The following FAM83F variants were observed in gnomAD, a reference collection of about 807,000 sequenced individuals.
FAM83F encodes scaffolding CK1 anchoring protein F, also known as protein FAM83F.
Under a neutral mutation model 42.9 loss-of-function variants are expected in FAM83F, and 45 were observed. The observed-to-expected ratio is 1.05, with a 90% CI of 0.83 to 1.35. The LOEUF is 1.35. FAM83F is among the 40% of genes most tolerant of loss of function. The probability of loss-of-function intolerance (pLI) is 0.00; values close to 1 mark genes in which losing one functional copy is unlikely to be tolerated. For synonymous variants in FAM83F, 306 were observed against 298.3 expected (o/e 1.03, Z -0.27); for missense variants, 617 against 695.9 (o/e 0.89, Z 1.28).
intron 1 of FAM83F, among the ~76,000 whole-genome samples, chr22:40,000,718 C>T (rs1029636377): frequency 1.2e-4 from 18 of 152,338 alleles, no homozygotes; most frequent in African/African-American, 4.3e-4. Flanking sequence ...TGTTTGAGAG[C>T]TGGTCCCAAT....
chr22:39,996,642 G>A (rs774188818), intron 1 of FAM83F, among the ~76,000 whole-genome samples: 19 of 152,126 alleles, frequency 1.2e-4, no homozygotes, highest in Non-Finnish European at 2.4e-4. Context: ...GGTTCCCCTC[G>A]AGGCTGAAGA....
In FAM83F at chr22:40,031,183, G is replaced by A. The variant is rs2146247758; in HGVS notation, c.*1618G>A. 6.6e-6 allele frequency: 1 copy of A among 151,842 alleles called. No individual in the cohort carries two copies. Among genetic ancestry groups the A allele is most frequent in the South Asian group, 2.1e-4 (1 of 4,790 alleles). 9.4% of individuals were successfully genotyped at this position (151,842 alleles called of 1,614,324 possible). A position where few individuals can be genotyped will look rare whatever the true frequency, so the allele number is the denominator to read the frequency against. ...TATGAAGGTGAAATGCTTCTGGGAAGTGTTTCCTTAGGCACCAAGACCAGG... is the reference window on the plus strand; with the variant it reads ...TATGAAGGTGAAATGCTTCTGGGAAATGTTTCCTTAGGCACCAAGACCAGG... On this transcript the variant is annotated 3_prime_UTR_variant, in exon 5 of 5. Transcript: ENST00000333407.
rs1467704107 is a variant in FAM83F, at chr22:39,995,917, G to T, written c.489+386G>T. Among the ~76,000 whole-genome samples the T allele has an allele frequency of 6.6e-6, 1 of 152,160 alleles. No individual in the cohort carries two copies. The highest frequency in any genetic ancestry group is 1.5e-5 in the Non-Finnish European group (1 of 68,010). ...TGCTGCCCAGAACATATCCCGAGCC[G>T]CTTTCTCATGTGATCGTCAAAACAA... On this transcript the variant is annotated intron_variant, in intron 1 of 4. Transcript: ENST00000333407. This position sits in a 1 kb window ranked among gnomAD's most constrained non-coding sequence, Gnocchi z 4.6.
chr22:40,018,495 A>G (rs1463954882), intron 1 of FAM83F, among the ~76,000 whole-genome samples: 5 of 151,994 alleles, frequency 3.3e-5, no homozygotes, highest in Admixed American at 2.0e-4. Context: ...CTGGAGTGCA[A>G]TGGCACGATC....
At chr22:40,022,135 C>T (rs115458321) in intron 4 of FAM83F, among the ~76,000 whole-genome samples, 172 bp downstream of exon 4, 1,717 of 152,282 alleles carry the variant, frequency 0.011, 27 homozygotes, top group African/African-American at 0.039. Flanking sequence ...ATTCTGGCCC[C>T]GGCCATTAGC....
At chr22:40,027,616 C>T (rs1301032665) in intron 4 of FAM83F, among the ~76,000 whole-genome samples, 2 of 152,254 alleles carry the variant, frequency 1.3e-5, no homozygotes, top group African/African-American at 2.4e-5. Flanking sequence ...AATATGTGAG[C>T]ACTCAGGGAA....
chr22:40,022,416 C>A (rs374190840), intron 4 of FAM83F, among the ~76,000 whole-genome samples: 1 of 152,294 alleles, frequency 6.6e-6, no homozygotes, highest in Admixed American at 6.5e-5. Flanking sequence ...TTCTAGCAAA[C>A]CTTTTCCCTT....
At chr22:40,020,448 T>C (rs1465449695) in intron 3 of FAM83F, among the ~76,000 whole-genome samples, 1 of 149,262 alleles carries the variant, frequency 6.7e-6, no homozygotes, top group African/African-American at 2.5e-5. Flanking sequence ...CTGCAACCTC[T>C]GCCTCCCGGA....
rs997095832 is a variant in FAM83F at position 40,021,199 on chromosome 22, T to C, written c.780-91T>C. ...GAGCCGTACACCTGCAGCAAGGGTC[T>C]GGCCACAGCGGAGGGGCAGGTGGGG... On this transcript the variant is annotated intron_variant, in intron 3 of 4. Transcript: ENST00000333407. The surrounding 1 kb of genome is among the most constrained non-coding windows in gnomAD (Gnocchi z 8.7). 7.1e-7 allele frequency: 1 copy of C among 1,408,598 alleles called. No individual in the cohort carries two copies. The highest frequency in any genetic ancestry group is 1.4e-5 in the African/African-American group (1 of 70,070). 87.3% of individuals were successfully genotyped at this position (1,408,598 alleles called of 1,614,324 possible). A position where few individuals can be genotyped will look rare whatever the true frequency, so the allele number is the denominator to read the frequency against.
rs755832969 is a variant in FAM83F, at chr22:40,021,807, G to A, written c.1297G>A (p.Ala433Thr). The A allele has an allele frequency of 1.3e-5, 21 of 1,612,294 alleles. 1 individual carries two copies. The Admixed American group carries it at 1.3e-4, about 10-fold the overall frequency. ...GGGAGAAGCGGCCCGGGGGGAGGCC[G>A]CCCCCGCCAGGCGCTTCAGCAGCAG... is the stretch of plus-strand genomic sequence containing the variant. ...GMGEAARGEA[A>T]PARRFSSRLF... Residue 433 changes from alanine to threonine, a missense_variant, in exon 4 of 5, where the codon GCC becomes ACC. Coordinates refer to ENST00000333407, the MANE Select transcript of FAM83F (RefSeq NM_138435.4). This position sits in a 1 kb window ranked among gnomAD's most constrained non-coding sequence, Gnocchi z 8.7.
rs1427967441 is a variant in FAM83F, at chr22:39,995,321, C to T, written c.279C>T (p.Ala93=). ...GCAAGAGCAAGGCCAAGGCCAAGGCCCCCGCGCCGGCGCCGGCTGAGTCCG... is the reference window on the plus strand; with the variant it reads ...GCAAGAGCAAGGCCAAGGCCAAGGCTCCCGCGCCGGCGCCGGCTGAGTCCG... ...ARGKSKAKAK[A]PAPAPAESGE... The change falls in exon 1 of 5, where the codon GCC becomes GCT. Residue 93 remains alanine, a synonymous_variant. Coordinates refer to ENST00000333407, the MANE Select transcript of FAM83F (RefSeq NM_138435.4). This position sits in a 1 kb window ranked among gnomAD's most constrained non-coding sequence, Gnocchi z 4.6. 1 of 1,538,822 alleles carries T rather than the reference C, an allele frequency of 6.5e-7. No homozygotes were observed. Among genetic ancestry groups the T allele is most frequent in the Admixed American group, 2.0e-5 (1 of 50,932 alleles).
Position 39,995,532 on chromosome 22 carries a change from G to A in FAM83F, c.489+1G>A. The A allele has an allele frequency of 1.9e-6, 3 of 1,554,884 alleles. No individual in the cohort carries two copies. The South Asian group carries it at 3.5e-5, about 18-fold the overall frequency. On this transcript the variant is annotated splice_donor_variant, in intron 1 of 4. Coordinates refer to ENST00000333407, the MANE Select transcript of FAM83F (RefSeq NM_138435.4). LOFTEE classifies it high-confidence loss of function. This position sits in a 1 kb window ranked among gnomAD's most constrained non-coding sequence, Gnocchi z 4.6. ...GCAGATGATCCAACAGGCCCAGAAGGTAGGCCCCCGCCTTCGCCCCCACAC... is the reference window on the plus strand; with the variant it reads ...GCAGATGATCCAACAGGCCCAGAAGATAGGCCCCCGCCTTCGCCCCCACAC...
chr22:40,016,836 G>A (rs1208057479), intron 1 of FAM83F, among the ~76,000 whole-genome samples: 2 of 151,600 alleles, frequency 1.3e-5, no homozygotes, highest in Non-Finnish European at 2.9e-5. Flanking sequence ...GCTAATTTTT[G>A]TATTTTTAGT....
chr22:40,002,794 C>T (rs1174036050), intron 1 of FAM83F, among the ~76,000 whole-genome samples: 3 of 152,172 alleles, frequency 2.0e-5, no homozygotes, highest in Non-Finnish European at 1.5e-5. Flanking sequence ...GTGAGTGATG[C>T]GTGCAGTAAA....
At position 40,036,005 on chromosome 22, in the gene FAM83F, T is replaced by G. The variant is rs1032089601; in HGVS notation, c.*6440T>G. ...AAGCTACAGAGTTCAGGTTTCTTTT[T>G]TCTTTCTTTCTTTCTTTTTTGCTTT... On this transcript the variant is annotated 3_prime_UTR_variant, in exon 5 of 5. Transcript: ENST00000333407. The G allele has an allele frequency of 1.3e-5, 2 of 152,154 alleles. No individual in the cohort carries two copies. Among genetic ancestry groups the G allele is most frequent in the African/African-American group, 4.8e-5 (2 of 41,452 alleles). The allele number at this position is 152,154 out of a possible 1,614,324, so 9.4% of individuals were successfully genotyped here.
At chr22:40,019,097 C>A in intron 1 of FAM83F, 71 bp from the exon 2 acceptor site, 1 of 1,562,764 alleles carries the variant, frequency 6.4e-7, no homozygotes, top group South Asian at 1.2e-5. Flanking sequence ...CGAGGTGGTA[C>A]CATCTGAGCA....
At chr22:40,013,658 A>G (rs969491820) in intron 1 of FAM83F, among the ~76,000 whole-genome samples, 3 of 152,210 alleles carry the variant, frequency 2.0e-5, no homozygotes, top group Non-Finnish European at 4.4e-5. Flanking sequence ...ATATCTTACA[A>G]GTATTTGAGT....
chr22:40,003,615 A>G (rs1361697631), intron 1 of FAM83F, among the ~76,000 whole-genome samples: 1 of 151,862 alleles, frequency 6.6e-6, no homozygotes, highest in Non-Finnish European at 1.5e-5. Flanking sequence ...CCACCCCCAC[A>G]CACCATGCCA....
At chr22:40,010,799 G>A (rs2067458922) in intron 1 of FAM83F, among the ~76,000 whole-genome samples, 1 of 152,238 alleles carries the variant, frequency 6.6e-6, no homozygotes, top group African/African-American at 2.4e-5. Context: ...TGGCGATCAA[G>A]TATCAGAGCC....
Sources: allele counts gnomAD v4.1 joint callset (sites outside exome capture counted in the v4.1 genomes callset), GRCh38; gene constraint gnomAD v4.1.1; non-coding constraint Gnocchi (gnomAD v3.1); transcripts MANE v1.5; gene names NCBI Gene and HGNC (gene_info 2026-07-23, HGNC 2026-07-21).